GALNT13: variants seen among roughly 807,000 people sequenced by gnomAD.
GALNT13 encodes the protein UDP-GalNAc:polypeptide N-acetylgalactosaminyltransferase 13.
A neutral mutation model predicts 64.2 loss-of-function variants in GALNT13; 28 were observed. The observed-to-expected ratio is 0.44, with a 90% CI of 0.32 to 0.60. The LOEUF (loss-of-function observed/expected upper bound fraction) is 0.60. Ranked by LOEUF, GALNT13 falls within the 20% of genes least tolerant of loss-of-function variation. GALNT13 has a pLI of 0.05. For synonymous variants in GALNT13, 214 were observed against 224.6 expected, an observed-to-expected ratio of 0.95 and a Z score of 0.42; for missense variants, 577 against 669.8, an observed-to-expected ratio of 0.86 and a Z score of 1.53.
chr2:153,782,698 A>C, the GALNT13 span, among the ~76,000 whole-genome samples: 1 of 152,326 alleles, frequency 6.6e-6, no homozygotes, highest in African/African-American at 2.4e-5. Flanking sequence ...GCCATCTACA[A>C]GCCATGGAGT....
At chr2:154,158,707 T>G (rs890060988) in intron 4 of GALNT13, among the ~76,000 whole-genome samples, 1 of 152,228 alleles carries the variant, frequency 6.6e-6, no homozygotes, top group Non-Finnish European at 1.5e-5. Context: ...AGGTTTCTCC[T>G]GAATATCCAC....
the GALNT13 span, among the ~76,000 whole-genome samples, chr2:153,641,279 G>T: frequency 6.6e-6 from 1 of 152,070 alleles, no homozygotes; most frequent in Non-Finnish European, 1.5e-5. Context: ...ATGAAACAGT[G>T]TCTCACAGTT....
At chr2:153,312,384 C>T in the GALNT13 span, among the ~76,000 whole-genome samples, 1 of 152,068 alleles carries the variant, frequency 6.6e-6, no homozygotes, top group Non-Finnish European at 1.5e-5. Context: ...CAAACATAGA[C>T]ACTTATAAGA....
the GALNT13 span, among the ~76,000 whole-genome samples, chr2:153,078,620 T>A: frequency 1.3e-5 from 2 of 152,118 alleles, no homozygotes; most frequent in African/African-American, 4.8e-5. Context: ...CTCATTCTTA[T>A]GCCTCTGCTT....
At chr2:153,577,587 G>GC in the GALNT13 span, among the ~76,000 whole-genome samples, 3 of 151,874 alleles carry the variant, frequency 2.0e-5, no homozygotes, top group Non-Finnish European at 4.4e-5. Context: ...CTTTTCAGAT[G>GC]CCCCCTCTCT....
intron 4 of GALNT13, among the ~76,000 whole-genome samples, chr2:154,154,308 A>T (rs547267234): frequency 1.3e-5 from 2 of 152,230 alleles, no homozygotes; most frequent in South Asian, 2.1e-4. Flanking sequence ...GATACAGTTC[A>T]GACAGAAGGT....
chr2:153,491,632 A>ATTTC, the GALNT13 span, among the ~76,000 whole-genome samples: 27 of 149,816 alleles, frequency 1.8e-4, no homozygotes, highest in African/African-American at 6.3e-4. Context: ...TTATTTATTT[A>ATTTC]TTTCTTCAGA....
the GALNT13 span, among the ~76,000 whole-genome samples, chr2:153,437,456 A>G: frequency 6.6e-6 from 1 of 152,026 alleles, no homozygotes; most frequent in African/African-American, 2.4e-5. Context: ...ATTGTGTGGG[A>G]GTCTAAGTCT....
chr2:154,092,654 T>TA (rs1316719273), intron 3 of GALNT13, among the ~76,000 whole-genome samples: 2 of 152,038 alleles, frequency 1.3e-5, no homozygotes, highest in African/African-American at 4.8e-5. Flanking sequence ...GGAATGTACT[T>TA]AGGGGCTAGT....
the GALNT13 span, among the ~76,000 whole-genome samples, chr2:153,626,513 T>C: frequency 6.6e-6 from 1 of 152,168 alleles, no homozygotes; most frequent in Non-Finnish European, 1.5e-5. Context: ...TAAACATTTC[T>C]TCTCTGAATA....
intron 11 of GALNT13, among the ~76,000 whole-genome samples, chr2:154,413,015 G>A (rs547883933): frequency 3.1e-4 from 47 of 151,986 alleles, no homozygotes; most frequent in African/African-American, 1.1e-3. Flanking sequence ...ACAATTTACT[G>A]AAATAAAGTA....
chr2:153,857,603 C>A, the GALNT13 span, among the ~76,000 whole-genome samples: 1 of 152,050 alleles, frequency 6.6e-6, no homozygotes, highest in East Asian at 1.9e-4. Flanking sequence ...AGAGGTCAGA[C>A]GAGTTATAGA....
At chr2:153,962,522 A>G (rs1463781878) in intron 3 of GALNT13, among the ~76,000 whole-genome samples, 1 of 152,196 alleles carries the variant, frequency 6.6e-6, no homozygotes, top group African/African-American at 2.4e-5. Context: ...GGAAAGTTTT[A>G]AGAGTGAGAA....
chr2:153,398,492 C>G, the GALNT13 span, among the ~76,000 whole-genome samples: 15 of 151,830 alleles, frequency 9.9e-5, no homozygotes, highest in East Asian at 1.8e-3. Flanking sequence ...CCTGAGGAAT[C>G]GCCACACTGA....
the GALNT13 span, among the ~76,000 whole-genome samples, chr2:153,374,014 C>T: frequency 1.2e-3 from 190 of 152,220 alleles, no homozygotes; most frequent in Non-Finnish European, 1.7e-3. Flanking sequence ...AAACATCCAT[C>T]GATGTATACT....
At chr2:153,478,209 G>T in the GALNT13 span, 2 of 1,579,710 alleles carry the variant, frequency 1.3e-6, no homozygotes, top group South Asian at 2.3e-5. Flanking sequence ...AGGCGTGGGA[G>T]CGGTTGCCGC....
the GALNT13 span, among the ~76,000 whole-genome samples, chr2:153,580,296 T>G: frequency 6.6e-6 from 1 of 151,996 alleles, no homozygotes; most frequent in Non-Finnish European, 1.5e-5. Flanking sequence ...GAGCAATTTC[T>G]AGAATACCCA....
chr2:153,336,218 T>C, the GALNT13 span, among the ~76,000 whole-genome samples: 4 of 152,266 alleles, frequency 2.6e-5, no homozygotes, highest in South Asian at 2.1e-4. Flanking sequence ...AGAGTCCTTA[T>C]TGGGGCACTG....
chr2:153,725,030 A>G, the GALNT13 span, among the ~76,000 whole-genome samples: 6 of 151,042 alleles, frequency 4.0e-5, no homozygotes, highest in Non-Finnish European at 8.8e-5. Flanking sequence ...AGCATTATTC[A>G]CAATAGCAAA....
Sources: gnomAD v4.1 joint callset for allele counts (sites outside exome capture counted in the v4.1 genomes callset) on GRCh38, gnomAD v4.1.1 for gene constraint, MANE v1.5 for transcripts, NCBI Gene and HGNC (gene_info 2026-07-23, HGNC 2026-07-21) for gene names.